Variants in TNIK observed in about 807,000 individuals in gnomAD.
TNIK encodes TRAF2 and NCK-interacting protein kinase.
A neutral mutation model predicts 191.3 loss-of-function variants in TNIK; 49 were observed. The ratio of observed to expected loss-of-function variants is 0.26; its 90% CI spans 0.20 to 0.32. TNIK has a LOEUF of 0.32. Among genes scored for constraint, TNIK ranks in the 10% least tolerant of loss-of-function variants. TNIK has a pLI of 1.00. For missense variants in TNIK, 1,155 were observed against 1,702.3 expected, an observed-to-expected ratio of 0.68 and a Z score of 5.66; for synonymous variants, 594 against 600.9, an observed-to-expected ratio of 0.99 and a Z score of 0.17.
At chr3:171,193,313 A>G (rs188143907) in intron 5 of TNIK, among the ~76,000 whole-genome samples, 6 of 152,330 alleles carry the variant, frequency 3.9e-5, no homozygotes, top group Admixed American at 1.3e-4. Flanking sequence ...ATTTCTATAT[A>G]ATGTTTGAAA....
chr3:171,107,308 T>G, intron 20 of TNIK, 102 bp from the exon 21 acceptor site: 2 of 1,052,964 alleles, frequency 1.9e-6, no homozygotes, highest in Non-Finnish European at 2.8e-6. Flanking sequence ...AGTACGCAAC[T>G]GATAAATACA....
At chr3:171,253,557 G>GAAAAAA (rs1428026055) in intron 2 of TNIK, among the ~76,000 whole-genome samples, 1 of 143,968 alleles carries the variant, frequency 6.9e-6, no homozygotes. Flanking sequence ...AGATCTGCCT[G>GAAAAAA]AAAAAAAAAA....
chr3:171,152,321 G>A (rs1732553994), intron 12 of TNIK, among the ~76,000 whole-genome samples: 1 of 151,872 alleles, frequency 6.6e-6, no homozygotes, highest in African/African-American at 2.4e-5. Flanking sequence ...AGAATGCATG[G>A]TAACAGAGAA....
intron 23 of TNIK, among the ~76,000 whole-genome samples, chr3:171,089,506 A>G (rs547119798): frequency 2.0e-5 from 3 of 152,272 alleles, no homozygotes; most frequent in African/African-American, 7.2e-5. Context: ...CAAGCCAAAA[A>G]CTGATGCAGA....
chr3:171,386,799 A>C (rs933588124), intron 1 of TNIK, among the ~76,000 whole-genome samples: 1 of 152,220 alleles, frequency 6.6e-6, no homozygotes, highest in African/African-American at 2.4e-5. Flanking sequence ...ACAATTAGAC[A>C]TCTCTATCAA....
At chr3:171,459,208 C>T (rs1306329737) in intron 1 of TNIK, among the ~76,000 whole-genome samples, 1 of 150,212 alleles carries the variant, frequency 6.7e-6, no homozygotes, top group African/African-American at 2.5e-5. Context: ...GCCACAGACA[C>T]GGGGAAAACA....
intron 10 of TNIK, among the ~76,000 whole-genome samples, chr3:171,164,511 TA>T (rs1734375687): frequency 6.6e-6 from 1 of 152,256 alleles, no homozygotes; most frequent in African/African-American, 2.4e-5. Flanking sequence ...CAGTAGATAT[TA>T]GTAGTATACT....
intron 5 of TNIK, 40 bp from the exon 6 acceptor site, chr3:171,190,827 A>G: frequency 6.9e-7 from 1 of 1,446,902 alleles, no homozygotes; most frequent in Non-Finnish European, 9.5e-7. Context: ...ATAGGAACAT[A>G]AGCCAAGATG....
intron 6 of TNIK, 105 bp from the exon 7 acceptor site, chr3:171,188,937 G>C: frequency 4.3e-6 from 6 of 1,397,870 alleles, no homozygotes; most frequent in Admixed American, 2.1e-5. Context: ...GTAACATAAA[G>C]TGTACAATTT....
At chr3:171,184,899 C>T (rs1365861835) in intron 7 of TNIK, among the ~76,000 whole-genome samples, 2 of 152,162 alleles carry the variant, frequency 1.3e-5, no homozygotes, top group African/African-American at 2.4e-5. Flanking sequence ...CTGCAGCACC[C>T]ATATGAAAGT....
chr3:171,409,559 T>C (rs1722124333), intron 1 of TNIK, among the ~76,000 whole-genome samples: 1 of 151,984 alleles, frequency 6.6e-6, no homozygotes, highest in Non-Finnish European at 1.5e-5. Context: ...CTCCCAACTA[T>C]GTAAACTCTG....
chr3:171,340,057 T>A (rs1336961933), intron 2 of TNIK, among the ~76,000 whole-genome samples: 1 of 152,212 alleles, frequency 6.6e-6, no homozygotes, highest in African/African-American at 2.4e-5. Flanking sequence ...TAAAGGACAG[T>A]AGATACATAC....
At chr3:171,184,301 T>C (rs1737094141) in intron 7 of TNIK, among the ~76,000 whole-genome samples, 1 of 152,214 alleles carries the variant, frequency 6.6e-6, no homozygotes. Flanking sequence ...GAAGTGGAGA[T>C]AGTTATTAAT....
chr3:171,422,467 A>G (rs1723948514), intron 1 of TNIK, among the ~76,000 whole-genome samples: 2 of 152,170 alleles, frequency 1.3e-5, no homozygotes, highest in Admixed American at 1.3e-4. Flanking sequence ...CAAGAAAACC[A>G]ATTCACTAGC....
intron 3 of TNIK, among the ~76,000 whole-genome samples, chr3:171,222,976 G>T (rs116808361): frequency 1.3e-3 from 201 of 152,102 alleles, no homozygotes; most frequent in African/African-American, 4.6e-3. Flanking sequence ...TTATGTATTG[G>T]GTTTTTCTCT....
Position 171,460,065 on chromosome 3 carries a change from T to G in TNIK, c.-2A>C. 6.2e-7 allele frequency: 1 copy of G among 1,605,338 alleles called. No individual in the cohort carries two copies. Among genetic ancestry groups the G allele is most frequent in the South Asian group, 1.1e-5 (1 of 88,886 alleles). ...TCGAGCCGGGGAGTCGCTCGCCATG[T>G]CTACTTCTTCGCTGGAGAAATGGAC... On this transcript the variant is annotated 5_prime_UTR_variant, in exon 1 of 33. Transcript: ENST00000436636. The surrounding 1 kb of genome is among the most constrained non-coding windows in gnomAD (Gnocchi z 6.8).
At chr3:171,429,061 C>T (rs1725012057) in intron 1 of TNIK, among the ~76,000 whole-genome samples, 1 of 152,180 alleles carries the variant, frequency 6.6e-6, no homozygotes, top group Admixed American at 6.5e-5. Flanking sequence ...TTAGTTTCCA[C>T]CTGTCTCCCA....
chr3:171,205,168 T>C (rs545662432), intron 4 of TNIK, among the ~76,000 whole-genome samples: 1 of 152,342 alleles, frequency 6.6e-6, no homozygotes, highest in South Asian at 2.1e-4. Flanking sequence ...TATGACTGTG[T>C]TCCCACCAAT....
At chr3:171,337,595 G>T (rs749844574) in intron 2 of TNIK, among the ~76,000 whole-genome samples, 1 of 152,104 alleles carries the variant, frequency 6.6e-6, no homozygotes, top group Non-Finnish European at 1.5e-5. Flanking sequence ...CCCACTTACT[G>T]TTCCTTATCC....
Sources: gnomAD v4.1 joint callset for allele counts (sites outside exome capture counted in the v4.1 genomes callset) on GRCh38, gnomAD v4.1.1 for gene constraint, Gnocchi (gnomAD v3.1) non-coding constraint, MANE v1.5 for transcripts, NCBI Gene and HGNC (gene_info 2026-07-23, HGNC 2026-07-21) for gene names.